The following NCEH1 variants were observed in gnomAD, a reference collection of about 807,000 sequenced individuals.
The protein encoded by NCEH1 is neutral cholesterol ester hydrolase 1.
In NCEH1, 9 loss-of-function variants were observed where a neutral mutation model predicts 25.4. The ratio of observed to expected loss-of-function variants is 0.35; its 90% CI spans 0.21 to 0.62. The LOEUF is 0.62. Among genes scored for constraint, NCEH1 ranks in the 20% least tolerant of loss-of-function variants. The pLI is 0.72. For synonymous variants in NCEH1, 200 were observed against 199.8 expected, an observed-to-expected ratio of 1.00 and a Z score of -0.01; for missense variants, 412 against 501.1, an observed-to-expected ratio of 0.82 and a Z score of 1.70.
At chr3:172,652,383 A>G (rs1469082475) in intron 1 of NCEH1, among the ~76,000 whole-genome samples, 1 of 152,266 alleles carries the variant, frequency 6.6e-6, no homozygotes, top group Non-Finnish European at 1.5e-5. Context: ...ACTGTCTTAC[A>G]GATAAGAACA....
At chr3:172,709,767 C>T (rs1378345780) in intron 1 of NCEH1, among the ~76,000 whole-genome samples, 1 of 152,178 alleles carries the variant, frequency 6.6e-6, no homozygotes, top group African/African-American at 2.4e-5. Flanking sequence ...AATCAGCTTT[C>T]TCAGGTTGAA....
intron 1 of NCEH1, among the ~76,000 whole-genome samples, chr3:172,700,651 C>T (rs989175281): frequency 5.9e-5 from 9 of 152,278 alleles, no homozygotes; most frequent in East Asian, 1.9e-4. Context: ...TGTGCCACCA[C>T]ATCTGGCTAA....
intron 1 of NCEH1, among the ~76,000 whole-genome samples, chr3:172,657,953 A>G (rs1717778147): frequency 6.6e-6 from 1 of 152,186 alleles, no homozygotes; most frequent in Admixed American, 6.5e-5. Flanking sequence ...GAGGTATGTG[A>G]CCCAGAGCAT....
At chr3:172,692,058 C>G (rs1167262641) in intron 1 of NCEH1, among the ~76,000 whole-genome samples, 2 of 151,728 alleles carry the variant, frequency 1.3e-5, no homozygotes. Context: ...GTCACCTTCT[C>G]TAAGCATAGA....
chr3:172,669,463 T>C (rs1033810958), intron 1 of NCEH1, among the ~76,000 whole-genome samples: 2 of 152,230 alleles, frequency 1.3e-5, no homozygotes, highest in Non-Finnish European at 2.9e-5. Context: ...CTAGAAGGAA[T>C]GTTTTGTGGA....
rs1430592665 is a variant in NCEH1, at chr3:172,675,905, A to G, written c.139-27791T>C. 2.6e-5 allele frequency among the ~76,000 whole-genome samples: 4 copies of G among 152,212 alleles called. No homozygotes were observed. In the South Asian group the frequency reaches 6.2e-4, roughly 24 times the overall value. ...ATCTTAATGCTCTTATTCTAACACTATATTTTAAACCTTCTTGTAAAACGT... is the reference window on the plus strand; with the variant it reads ...ATCTTAATGCTCTTATTCTAACACTGTATTTTAAACCTTCTTGTAAAACGT... On this transcript the variant is annotated intron_variant, in intron 1 of 4. Transcript: ENST00000475381.
rs1560173741 is a variant in NCEH1, at chr3:172,630,846, GATA to G, written c.*2626_*2628del. On this transcript the variant is annotated 3_prime_UTR_variant, in exon 5 of 5. Transcript: ENST00000475381. ...GTCATGCATAAAATAGATCCACCAA[GATA>G]ATTATATAATAGTCTTAAATTCTTC... is the stretch of plus-strand genomic sequence containing the variant. 6.6e-6 allele frequency: 1 copy of G among 151,980 alleles called. No individual in the cohort carries two copies. Among genetic ancestry groups the G allele is most frequent in the African/African-American group, 2.4e-5 (1 of 41,376 alleles). 9.4% of individuals were successfully genotyped at this position (151,980 alleles called of 1,614,324 possible).
chr3:172,684,367 T>G (rs988158398), intron 1 of NCEH1, among the ~76,000 whole-genome samples: 1 of 152,184 alleles, frequency 6.6e-6, no homozygotes, highest in Non-Finnish European at 1.5e-5. Context: ...TTACTAAAAC[T>G]GATTTTACTT....
At chr3:172,643,520 G>T (rs1026503355) in intron 3 of NCEH1, among the ~76,000 whole-genome samples, 1 of 152,190 alleles carries the variant, frequency 6.6e-6, no homozygotes, top group Non-Finnish European at 1.5e-5. Context: ...GTATAGATTA[G>T]GAACAATGCA....
chr3:172,652,453 G>A (rs1717445589), intron 1 of NCEH1, among the ~76,000 whole-genome samples: 1 of 152,350 alleles, frequency 6.6e-6, no homozygotes, highest in African/African-American at 2.4e-5. Flanking sequence ...GAACAGTGAT[G>A]TGGGCTGAGG....
At chr3:172,658,189 C>T (rs1398358025) in intron 1 of NCEH1, among the ~76,000 whole-genome samples, 1 of 152,192 alleles carries the variant, frequency 6.6e-6, no homozygotes, top group East Asian at 1.9e-4. Flanking sequence ...TGCTACACTC[C>T]CACCAGCACC....
At chr3:172,710,068 C>T (rs1301051992) in intron 1 of NCEH1, among the ~76,000 whole-genome samples, 3 of 152,180 alleles carry the variant, frequency 2.0e-5, no homozygotes, top group African/African-American at 7.2e-5. Flanking sequence ...AACACACGCC[C>T]ATGATACAGT....
chr3:172,679,447 C>A (rs895628082), intron 1 of NCEH1, among the ~76,000 whole-genome samples: 2 of 152,076 alleles, frequency 1.3e-5, no homozygotes, highest in Non-Finnish European at 2.9e-5. Flanking sequence ...ACACCCCCCA[C>A]CCCCGACCTT....
At chr3:172,679,368 G>A (rs1372663762) in intron 1 of NCEH1, among the ~76,000 whole-genome samples, 1 of 152,188 alleles carries the variant, frequency 6.6e-6, no homozygotes, top group East Asian at 1.9e-4. Flanking sequence ...GCTTTTAAGA[G>A]AAGTTACTAT....
intron 1 of NCEH1, among the ~76,000 whole-genome samples, chr3:172,655,903 C>CA: frequency 6.6e-6 from 1 of 151,790 alleles, no homozygotes; most frequent in Non-Finnish European, 1.5e-5. Context: ...CAATAAAAGA[C>CA]AAAAAAGAAC....
In NCEH1 at chr3:172,645,637, G is replaced by T; in HGVS notation, c.423C>A (p.Val141=). Reference sequence around the variant, plus strand: ...TAATTACTTACTCAATGGAAACAATGACAGCATTCAATTCCTCAGCCATTG... The same window carrying T: ...TAATTACTTACTCAATGGAAACAATTACAGCATTCAATTCCTCAGCCATTG... ...CTAMAEELNA[V]IVSIEYRLVP... is the part of the protein sequence containing the mutation. Residue 141 remains valine (V), a synonymous_variant, in exon 3 of 5, where the codon GTC becomes GTA. Transcript: ENST00000475381. 1 of 1,598,060 alleles carries T rather than the reference G, an allele frequency of 6.3e-7. No individual in the cohort carries two copies. The highest frequency in any genetic ancestry group is 1.1e-5 in the South Asian group (1 of 87,998).
chr3:172,706,567 C>T lies in NCEH1; in HGVS notation c.138+4280G>A, dbSNP rs563405183. Among the ~76,000 whole-genome samples, 10 of 148,030 alleles carry T rather than the reference C, an allele frequency of 6.8e-5. No individual in the cohort carries two copies. In the South Asian group the frequency reaches 1.1e-3, roughly 16 times the overall value. ...AGGCTAGAGTGCAGTGGCACCATCT[C>T]GGCTCACTGAAACCTCCACCTCCCT... On this transcript the variant is annotated intron_variant, in intron 1 of 4. Coordinates refer to ENST00000475381, the MANE Select transcript of NCEH1 (RefSeq NM_020792.6).
intron 1 of NCEH1, among the ~76,000 whole-genome samples, chr3:172,704,943 A>G (rs1367134955): frequency 6.6e-6 from 1 of 152,208 alleles, no homozygotes. Context: ...GTGACTCTCC[A>G]TAGCTTCACA....
intron 1 of NCEH1, among the ~76,000 whole-genome samples, chr3:172,686,707 A>G (rs896086173): frequency 2.6e-5 from 4 of 152,130 alleles, no homozygotes; most frequent in African/African-American, 9.7e-5. Context: ...GTGGCGGGTG[A>G]TCCTGGGCCC....
Sources: gnomAD v4.1 joint callset for allele counts (sites outside exome capture counted in the v4.1 genomes callset) on GRCh38, gnomAD v4.1.1 for gene constraint, MANE v1.5 for transcripts, NCBI Gene and HGNC (gene_info 2026-07-23, HGNC 2026-07-21) for gene names.